Variants in FAM171B observed in about 807,000 individuals in gnomAD.
The protein encoded by FAM171B is family with sequence similarity 171 member B.
A neutral mutation model predicts 75.6 loss-of-function variants in FAM171B; 19 were observed. The observed-to-expected ratio is 0.25, with a 90% CI of 0.18 to 0.37. The LOEUF is 0.37. Among genes scored for constraint, FAM171B ranks in the 10% least tolerant of loss-of-function variants. The pLI is 1.00. For synonymous variants in FAM171B, 367 were observed against 361.7 expected (o/e 1.01, Z -0.17); for missense variants, 848 against 982.4 (o/e 0.86, Z 1.83).
intron 1 of FAM171B, among the ~76,000 whole-genome samples, chr2:186,727,013 T>G (rs2105780984): frequency 6.6e-6 from 1 of 152,284 alleles, no homozygotes; most frequent in South Asian, 2.1e-4. Context: ...TTTCTCCTTT[T>G]TCTACCTCTC....
intron 1 of FAM171B, among the ~76,000 whole-genome samples, chr2:186,699,488 C>T (rs1463896789): frequency 6.6e-6 from 1 of 151,864 alleles, no homozygotes; most frequent in African/African-American, 2.4e-5. Flanking sequence ...GTTTTTTTGC[C>T]TATTGAATTG....
intron 6 of FAM171B, among the ~76,000 whole-genome samples, chr2:186,756,990 T>C (rs537280218): frequency 2.6e-5 from 4 of 152,074 alleles, no homozygotes; most frequent in Non-Finnish European, 5.9e-5. Context: ...TTTTCCCCCA[T>C]AGAGTTGGGG....
chr2:186,708,355 AT>A (rs56138791), intron 1 of FAM171B, among the ~76,000 whole-genome samples: 67,582 of 151,612 alleles, frequency 0.45, 15,400 homozygotes, highest in East Asian at 0.74. Flanking sequence ...TGATTTCACT[AT>A]TTTTTTTTCT....
At chr2:186,733,008 G>C (rs1253874631) in intron 1 of FAM171B, among the ~76,000 whole-genome samples, 1 of 152,160 alleles carries the variant, frequency 6.6e-6, no homozygotes, top group Non-Finnish European at 1.5e-5. Context: ...TTTAACAACT[G>C]CCTGAACATT....
At chr2:186,744,013 G>A (rs1690331114) in intron 3 of FAM171B, among the ~76,000 whole-genome samples, 1 of 152,140 alleles carries the variant, frequency 6.6e-6, no homozygotes, top group African/African-American at 2.4e-5. Flanking sequence ...CTGCTCTGTA[G>A]ACGTGATTTG....
rs1424817310 is a variant in FAM171B at position 186,740,364 on chromosome 2, A to G, written c.375A>G (p.Ile125Met). The G allele has an allele frequency of 1.2e-6, 2 of 1,614,102 alleles. No homozygotes were observed. The highest frequency in any genetic ancestry group is 2.2e-5 in the East Asian group (1 of 44,872). The change falls in exon 2 of 8, where the codon ATA (isoleucine) becomes ATG (methionine). Residue 125 changes from isoleucine to methionine, a missense_variant. Ile to Met is a conservative substitution (Grantham distance 10). This residue lies in a region of FAM171B where 665 missense variants were observed against 729.0 expected (regional missense o/e 0.91). Coordinates refer to ENST00000304698, the MANE Select transcript of FAM171B (RefSeq NM_177454.4). ...TVTKSNGAVL[I>M]KVPYKLGLSL... ...CTAAAAGCAATGGAGCAGTGCTGAT[A>G]AAAGTACCCTACAAATTAGGACTTA...
At chr2:186,744,422 A>G (rs2105787404) in intron 3 of FAM171B, among the ~76,000 whole-genome samples, 1 of 152,362 alleles carries the variant, frequency 6.6e-6, no homozygotes, top group African/African-American at 2.4e-5. Context: ...TATTTGGGAA[A>G]AAAATAAACT....
intron 6 of FAM171B, among the ~76,000 whole-genome samples, chr2:186,758,799 G>T (rs369262889): frequency 2.6e-5 from 4 of 152,036 alleles, no homozygotes; most frequent in South Asian, 4.2e-4. Context: ...CATAAATGGG[G>T]TATTACCTCA....
At chr2:186,703,368 C>T (rs1689690570) in intron 1 of FAM171B, among the ~76,000 whole-genome samples, 1 of 152,124 alleles carries the variant, frequency 6.6e-6, no homozygotes, top group Non-Finnish European at 1.5e-5. Context: ...AGCAGTTGAC[C>T]AGTCAACCAG....
chr2:186,694,136 C>T lies in FAM171B; in HGVS notation c.-38C>T, dbSNP rs765223295. On this transcript the variant is annotated 5_prime_UTR_variant, in exon 1 of 8. Transcript: ENST00000304698. ...CCCTGGCGCCCGCCGCCGCCCGGAGCCCCGCAATATGCCGCCGCGGCCCTC... is the reference window on the plus strand; with the variant it reads ...CCCTGGCGCCCGCCGCCGCCCGGAGTCCCGCAATATGCCGCCGCGGCCCTC... 8 of 1,485,428 alleles carry T rather than the reference C, an allele frequency of 5.4e-6. No individual in the cohort carries two copies. The highest frequency in any genetic ancestry group is 5.2e-5 in the East Asian group (2 of 38,430). 92.0% of individuals were successfully genotyped at this position (1,485,428 alleles called of 1,614,324 possible).
rs1283995293 is a variant in FAM171B, at chr2:186,751,154, A to T, written c.745A>T (p.Thr249Ser). ...NKPGFENIEL[T>S]PLAAICVKIY... ...TATAGGTTTTGAAAACATTGAATTGACTCCTCTTGCTGCAATATGTGTGAA... is the reference window on the plus strand; with the variant it reads ...TATAGGTTTTGAAAACATTGAATTGTCTCCTCTTGCTGCAATATGTGTGAA... Residue 249 changes from threonine (T) to serine (S), a missense_variant, in exon 5 of 8, where the codon ACT (threonine) becomes TCT (serine). This residue lies in a region of FAM171B where 665 missense variants were observed against 729.0 expected (regional missense o/e 0.91). Coordinates refer to ENST00000304698, the MANE Select transcript of FAM171B (RefSeq NM_177454.4). 1 of 1,602,910 alleles carries T rather than the reference A, an allele frequency of 6.2e-7. No individual in the cohort carries two copies. Among genetic ancestry groups the T allele is most frequent in the African/African-American group, 1.3e-5 (1 of 74,670 alleles).
Position 186,761,470 on chromosome 2 carries a change from C to A in FAM171B, c.1137-9C>A. 6.5e-7 allele frequency: 1 copy of A among 1,543,986 alleles called. No homozygotes were observed. Among genetic ancestry groups the A allele is most frequent in the Non-Finnish European group, 8.7e-7 (1 of 1,154,094 alleles). ...TTTTAAATATTTTTTGCCTTCTCTT[C>A]TACTCTAGGGACAAGTGTGGTACTC... On this transcript the variant is annotated splice_polypyrimidine_tract_variant and intron_variant, in intron 7 of 7. Transcript: ENST00000304698.
At chr2:186,755,362 A>AAAAC (rs1690517964) in intron 6 of FAM171B, among the ~76,000 whole-genome samples, 1 of 152,196 alleles carries the variant, frequency 6.6e-6, no homozygotes, top group African/African-American at 2.4e-5. Flanking sequence ...AAAACAAAGC[A>AAAAC]AAACATTTAG....
chr2:186,697,784 C>T (rs1313145256), intron 1 of FAM171B, among the ~76,000 whole-genome samples: 1 of 152,062 alleles, frequency 6.6e-6, no homozygotes, highest in Non-Finnish European at 1.5e-5. Flanking sequence ...AGAAACTCAC[C>T]ATTGCCTTTG....
chr2:186,760,804 A>G (rs1225652841), intron 6 of FAM171B, among the ~76,000 whole-genome samples: 1 of 151,954 alleles, frequency 6.6e-6, no homozygotes, highest in Non-Finnish European at 1.5e-5. Context: ...TTCTCATTCT[A>G]GACCCCAGGT....
At chr2:186,712,560 A>G (rs1689824224) in intron 1 of FAM171B, among the ~76,000 whole-genome samples, 1 of 152,244 alleles carries the variant, frequency 6.6e-6, no homozygotes, top group Non-Finnish European at 1.5e-5. Flanking sequence ...GAGTAATACC[A>G]TAAGATGCTT....
chr2:186,703,511 C>T (rs574371037), intron 1 of FAM171B, among the ~76,000 whole-genome samples: 22 of 152,156 alleles, frequency 1.4e-4, no homozygotes, highest in East Asian at 1.4e-3. Context: ...TCCCACTGAC[C>T]GATTCCTCTG....
intron 3 of FAM171B, among the ~76,000 whole-genome samples, chr2:186,743,794 G>A (rs998420129): frequency 6.6e-5 from 10 of 151,982 alleles, no homozygotes; most frequent in African/African-American, 2.2e-4. Context: ...TACTATTTTA[G>A]CCCCTCAAAC....
In FAM171B at chr2:186,762,018, C is replaced by T. The variant is rs779277635; in HGVS notation, c.1676C>T (p.Ser559Leu). ...STPEQLHTAK[S>L]ATLPRKGQLV... Reference sequence around the variant, plus strand: ...CCGGAACAATTACATACTGCTAAGTCAGCTACTTTGCCAAGAAAGGGACAG... The same window carrying T: ...CCGGAACAATTACATACTGCTAAGTTAGCTACTTTGCCAAGAAAGGGACAG... Residue 559 changes from serine (S) to leucine (L), a missense_variant, in exon 8 of 8, where the codon TCA (serine) becomes TTA (leucine). Coordinates refer to ENST00000304698, the MANE Select transcript of FAM171B (RefSeq NM_177454.4). The surrounding 1 kb of genome is among the most constrained non-coding windows in gnomAD (Gnocchi z 4.0). The T allele has an allele frequency of 6.2e-7, 1 of 1,613,694 alleles. No homozygotes were observed. The highest frequency in any genetic ancestry group is 1.7e-5 in the Admixed American group (1 of 59,920).
Sources: allele counts gnomAD v4.1 joint callset (sites outside exome capture counted in the v4.1 genomes callset), GRCh38; gene constraint gnomAD v4.1.1; regional missense constraint gnomAD v4.1.1; non-coding constraint Gnocchi (gnomAD v3.1); transcripts MANE v1.5; gene names NCBI Gene and HGNC (gene_info 2026-07-23, HGNC 2026-07-21).